METTL6: variants seen among roughly 807,000 people sequenced by gnomAD.
The protein encoded by METTL6 is tRNA N(3)-cytidine methyltransferase METTL6.
A neutral mutation model predicts 26.4 loss-of-function variants in METTL6; 22 were observed. The ratio of observed to expected loss-of-function variants is 0.83; its 90% CI spans 0.59 to 1.19. The LOEUF (loss-of-function observed/expected upper bound fraction) is 1.19, where lower values mean the gene tolerates loss of function less well. Among genes scored for constraint, METTL6 ranks in the 50% most tolerant of loss-of-function variants. The probability of loss-of-function intolerance (pLI) is 0.00; values close to 1 mark genes in which losing one functional copy is unlikely to be tolerated. For synonymous variants in METTL6, 109 were observed against 116.2 expected, an observed-to-expected ratio of 0.94 and a Z score of 0.40; for missense variants, 304 against 324.8, an observed-to-expected ratio of 0.94 and a Z score of 0.49.
At chr3:15,413,763 T>C in intron 5 of METTL6, 1 of 1,416,130 alleles carries the variant, frequency 7.1e-7, no homozygotes, top group Non-Finnish European at 9.3e-7. Flanking sequence ...GGAATCCACA[T>C]GGCATGTCAG....
At chr3:15,407,888 T>G (rs1454479213), downstream of METTL6, among the ~76,000 whole-genome samples, 1 of 152,186 alleles carries the variant, frequency 6.6e-6, no homozygotes, top group East Asian at 1.9e-4. Flanking sequence ...ATCTCCAGAT[T>G]AGGGGTAGCT....
chr3:15,390,841 T>C (rs1399709673), intron 6 of METTL6, among the ~76,000 whole-genome samples: 3 of 148,984 alleles, frequency 2.0e-5, no homozygotes, highest in Admixed American at 6.6e-5. Flanking sequence ...AAGGGTAGTG[T>C]ATGCAGAGGA....
intron 6 of METTL6, among the ~76,000 whole-genome samples, chr3:15,388,699 T>C (rs2124894405): frequency 6.6e-6 from 1 of 152,344 alleles, no homozygotes; most frequent in Non-Finnish European, 1.5e-5. Context: ...TCCTAAACCA[T>C]AATTTCTAAT....
chr3:15,426,278 T>C lies in METTL6; in HGVS notation c.225+9A>G, dbSNP rs1367038320. The stretch of plus-strand genomic sequence containing the variant: ...AGAACAGCTCAGATAAGGCGTAATA[T>C]TAGCTTACCTCTCTACATGATCTTA... On this transcript the variant is annotated intron_variant, in intron 2 of 5. Transcript: ENST00000383790. The C allele has an allele frequency of 1.2e-6, 2 of 1,611,574 alleles. No individual in the cohort carries two copies. The highest frequency in any genetic ancestry group is 1.7e-6 in the Non-Finnish European group (2 of 1,177,934).
rs78794915 is a variant in METTL6 at position 15,389,167 on chromosome 3, T to C, written c.*12-4980A>G. ...CACCACACCTGGCCTTTTTTTTTTT[T>C]CTAAGTTTTTTGTTGTAGGTTGTGC... is the stretch of plus-strand genomic sequence containing the variant. On this transcript the variant is annotated intron_variant, in intron 6 of 6. Transcript: ENST00000443029. Among the ~76,000 whole-genome samples, 66 of 152,018 alleles carry C rather than the reference T, an allele frequency of 4.3e-4. 1 individual carries two copies. Among genetic ancestry groups the C allele is most frequent in the African/African-American group, 1.3e-3 (55 of 41,474 alleles).
downstream of METTL6, among the ~76,000 whole-genome samples, chr3:15,408,244 G>A (rs1205939132): frequency 2.6e-5 from 4 of 152,164 alleles, no homozygotes; most frequent in Non-Finnish European, 5.9e-5. Flanking sequence ...GGGTTCTGGG[G>A]TGCCAGTCAT....
intron 6 of METTL6, among the ~76,000 whole-genome samples, chr3:15,397,540 G>C (rs1699525333): frequency 6.6e-6 from 1 of 152,180 alleles, no homozygotes; most frequent in Admixed American, 6.5e-5. Context: ...CGGTACCTCA[G>C]TTGGAAATGC....
chr3:15,399,594 C>CG (rs1699586501), intron 6 of METTL6: 1 of 116,078 alleles, frequency 8.6e-6, no homozygotes, highest in African/African-American at 3.3e-5. Context: ...GAGGCTGGGG[C>CG]GGGGGGCGGT....
Position 15,389,637 on chromosome 3 carries a change from C to T in METTL6, c.*12-5450G>A, listed in dbSNP as rs932324861. On this transcript the variant is annotated intron_variant, in intron 6 of 6. Coordinates refer to the METTL6 transcript ENST00000443029. ...CAATCTCGGCTCACCACAACCTCCA[C>T]CTCCTGGGTTCAAGAGATTCTCCTG... Among the ~76,000 whole-genome samples the T allele has an allele frequency of 4.6e-5, 7 of 152,154 alleles. No individual in the cohort carries two copies. In the East Asian group the frequency reaches 1.2e-3, roughly 25 times the overall value.
chr3:15,407,504 T>C (rs543451246), downstream of METTL6, among the ~76,000 whole-genome samples: 4 of 152,244 alleles, frequency 2.6e-5, no homozygotes, highest in African/African-American at 9.6e-5. Flanking sequence ...TCAACCTGTT[T>C]TGCTTTCTCT....
Position 15,424,968 on chromosome 3 carries a change from A to AT in METTL6, c.346dup (p.Ile116AsnfsTer2). On this transcript the variant is annotated frameshift_variant, in exon 3 of 6. Transcript: ENST00000383790. LOFTEE classifies it high-confidence loss of function. ...TGGTGCACCAACCTTAACATATTCA[A>AT]TGGCTCTTGGAGAAAAATCACAGGC... The AT allele has an allele frequency of 6.2e-7, 1 of 1,614,196 alleles. No homozygotes were observed. Among genetic ancestry groups the AT allele is most frequent in the Non-Finnish European group, 8.5e-7 (1 of 1,180,032 alleles).
chr3:15,425,210 A>C (rs934033026), intron 2 of METTL6, 121 bp from the exon 3 acceptor site: 7 of 1,037,136 alleles, frequency 6.7e-6, no homozygotes, highest in Admixed American at 2.6e-5. Flanking sequence ...TCAACAAGAG[A>C]ACTAATAAGC....
intron 3 of METTL6, among the ~76,000 whole-genome samples, chr3:15,417,422 G>A (rs6767929): frequency 0.071 from 10,777 of 151,620 alleles, 495 homozygotes; most frequent in African/African-American, 0.12. Flanking sequence ...GCCACTGCAC[G>A]CCAGCCTGCA....
chr3:15,402,273 G>GC (rs1236332650), intron 6 of METTL6, among the ~76,000 whole-genome samples: 1 of 152,176 alleles, frequency 6.6e-6, no homozygotes, highest in African/African-American at 2.4e-5. Context: ...TCAGACTAGG[G>GC]TTTTTCAAGG....
At chr3:15,415,676 C>G in intron 4 of METTL6, 96 bp downstream of exon 4, 3 of 1,597,666 alleles carry the variant, frequency 1.9e-6, no homozygotes, top group Non-Finnish European at 2.6e-6. Flanking sequence ...AATGGAGAGA[C>G]TATGTGAATC....
At chr3:15,392,981 C>G (rs1214306881) in intron 6 of METTL6, among the ~76,000 whole-genome samples, 1 of 152,176 alleles carries the variant, frequency 6.6e-6, no homozygotes, top group Admixed American at 6.6e-5. Flanking sequence ...GCAATGCGGG[C>G]TCTTTTTTAG....
chr3:15,411,515 G>C lies in METTL6; in HGVS notation c.674-78C>G, dbSNP rs543387716. 7.4e-6 allele frequency: 10 copies of C among 1,354,136 alleles called. No homozygotes were observed. The African/African-American group carries it at 8.9e-5, about 12-fold the overall frequency. 83.9% of individuals were successfully genotyped at this position (1,354,136 alleles called of 1,614,324 possible). A position where few individuals can be genotyped will look rare whatever the true frequency, so the allele number is the denominator to read the frequency against. ...TTTGCAGTCCTTGAGGAGGGATAGA[G>C]GGCTGAGGCTATTTTAATATTTTTT... On this transcript the variant is annotated intron_variant, in intron 5 of 5. Coordinates refer to ENST00000383790, the MANE Select transcript of METTL6 (RefSeq NM_152396.4).
At chr3:15,385,785 C>G (rs185759598) in intron 6 of METTL6, among the ~76,000 whole-genome samples, 1 of 152,196 alleles carries the variant, frequency 6.6e-6, no homozygotes, top group African/African-American at 2.4e-5. Flanking sequence ...ATCTGTGTCT[C>G]CTGGGCTGTA....
At chr3:15,424,776 A>G (rs923944052) in intron 3 of METTL6, among the ~76,000 whole-genome samples, 179 bp downstream of exon 3, 3 of 152,258 alleles carry the variant, frequency 2.0e-5, no homozygotes, top group Admixed American at 2.0e-4. Context: ...CTTTTCTTGA[A>G]TAAAGCTGTG....
Sources: allele counts gnomAD v4.1 joint callset (sites outside exome capture counted in the v4.1 genomes callset), GRCh38; gene constraint gnomAD v4.1.1; transcripts MANE v1.5; gene names NCBI Gene and HGNC (gene_info 2026-07-23, HGNC 2026-07-21).